ALKBH3: variants seen among roughly 807,000 people sequenced by gnomAD.
ALKBH3 encodes alkB homolog 3, alpha-ketoglutarate dependent dioxygenase, also known as alpha-ketoglutarate-dependent dioxygenase alkB homolog 3.
A neutral mutation model predicts 43.9 loss-of-function variants in ALKBH3; 51 were observed. The observed-to-expected ratio is 1.16, with a 90% CI of 0.93 to 1.47. The LOEUF (loss-of-function observed/expected upper bound fraction) is 1.47. ALKBH3 is among the 40% of genes most tolerant of loss of function. The pLI is 0.00. For missense variants in ALKBH3, 361 were observed against 351.9 expected, an observed-to-expected ratio of 1.03 and a Z score of -0.21; for synonymous variants, 102 against 115.2, an observed-to-expected ratio of 0.89 and a Z score of 0.73.
chr11:43,905,340 C>T (rs1951888545), intron 8 of ALKBH3, among the ~76,000 whole-genome samples: 1 of 152,112 alleles, frequency 6.6e-6, no homozygotes, highest in Non-Finnish European at 1.5e-5. Flanking sequence ...TTCGTAAGCA[C>T]CAGTGCCCTC....
intron 4 of ALKBH3, among the ~76,000 whole-genome samples, chr11:43,884,457 C>G (rs1257450032): frequency 1.3e-5 from 2 of 150,000 alleles, no homozygotes; most frequent in African/African-American, 4.9e-5. Flanking sequence ...TTATTAAAAC[C>G]ATGTAATTAT....
intron 3 of ALKBH3, 84 bp downstream of exon 3, chr11:43,883,272 T>C: frequency 1.1e-6 from 1 of 930,022 alleles, no homozygotes. Context: ...AAATAAATAA[T>C]GACTGAATAA....
At chr11:43,898,883 C>T in intron 7 of ALKBH3, 1 of 756,936 alleles carries the variant, frequency 1.3e-6, no homozygotes, top group Non-Finnish European at 2.5e-6. Context: ...TTTCAGATTT[C>T]CTGAGTGGAG....
chr11:43,904,322 A>G (rs966208437), intron 8 of ALKBH3, among the ~76,000 whole-genome samples: 4 of 152,202 alleles, frequency 2.6e-5, no homozygotes, highest in Non-Finnish European at 5.9e-5. Context: ...AAATATAAAC[A>G]TGTTGGTACT....
intron 8 of ALKBH3, chr11:43,916,774 TGCATCTTGCTTCAGTTGAAGG>T (rs1346160015): frequency 1.3e-5 from 2 of 152,212 alleles, no homozygotes; most frequent in Admixed American, 6.5e-5. Flanking sequence ...ACAGTCTCCA[TGCATCTTGCTTCAGTTGAAGG>T]GCATCTTGCT....
At chr11:43,907,577 T>C (rs1485150410) in intron 8 of ALKBH3, among the ~76,000 whole-genome samples, 4 of 152,212 alleles carry the variant, frequency 2.6e-5, no homozygotes, top group Admixed American at 1.3e-4. Context: ...TGCCATACTC[T>C]TAAGGACTAT....
chr11:43,898,120 G>C (rs1044491586), intron 7 of ALKBH3: 4 of 1,131,580 alleles, frequency 3.5e-6, no homozygotes, highest in Non-Finnish European at 5.4e-6. Context: ...ACCTGAGCCC[G>C]TGGTGGGCAT....
intron 8 of ALKBH3, among the ~76,000 whole-genome samples, chr11:43,904,165 G>T (rs1951880840): frequency 6.6e-6 from 1 of 152,202 alleles, no homozygotes; most frequent in Non-Finnish European, 1.5e-5. Flanking sequence ...ATACTCAGAA[G>T]TGGTAAAGTC....
chr11:43,912,847 C>T (rs1444601449), intron 8 of ALKBH3, among the ~76,000 whole-genome samples: 1 of 151,940 alleles, frequency 6.6e-6, no homozygotes, highest in Non-Finnish European at 1.5e-5. Flanking sequence ...GCTTCCCTTC[C>T]TTATCAGGAA....
At chr11:43,913,742 G>A (rs1442760268) in intron 8 of ALKBH3, among the ~76,000 whole-genome samples, 1 of 152,216 alleles carries the variant, frequency 6.6e-6, no homozygotes, top group Non-Finnish European at 1.5e-5. Context: ...GTCTGCTAAG[G>A]TGACTGACAA....
At chr11:43,884,998 C>T (rs1355230851) in intron 4 of ALKBH3, among the ~76,000 whole-genome samples, 1 of 152,082 alleles carries the variant, frequency 6.6e-6, no homozygotes, top group Non-Finnish European at 1.5e-5. Flanking sequence ...TGAAATGATC[C>T]TCCCACCTCA....
At chr11:43,881,432 G>A (rs1951710292) in intron 1 of ALKBH3, 1 of 152,260 alleles carries the variant, frequency 6.6e-6, no homozygotes, top group Admixed American at 6.5e-5. Context: ...GCTCCCCAGT[G>A]AATGGAGCAA....
Position 43,919,844 on chromosome 11 carries a change from T to A in ALKBH3, c.769-74T>A, listed in dbSNP as rs1284210441. The A allele has an allele frequency of 3.0e-6, 4 of 1,323,440 alleles. No individual in the cohort carries two copies. The South Asian group carries it at 4.8e-5, about 16-fold the overall frequency. 82.0% of individuals were successfully genotyped at this position (1,323,440 alleles called of 1,614,324 possible). On this transcript the variant is annotated intron_variant, in intron 9 of 9. Coordinates refer to ENST00000302708, the MANE Select transcript of ALKBH3 (RefSeq NM_139178.4). ...GGAAATATTTCTGCATTCTCATGAATAAGTTTTAAGTCGCTTTGAACTAAA... is the reference window on the plus strand; with the variant it reads ...GGAAATATTTCTGCATTCTCATGAAAAAGTTTTAAGTCGCTTTGAACTAAA...
rs35670176 is a variant in ALKBH3, at chr11:43,881,778, G to C, written c.-71+599G>C. On this transcript the variant is annotated intron_variant, in intron 1 of 9. Transcript: ENST00000302708. The stretch of plus-strand genomic sequence containing the variant: ...AACGAGCTTTTACCTTTGAGAACTT[G>C]AGGTGTGAAGCTTTCTTAGGTAGAA... Among the ~76,000 whole-genome samples the C allele has an allele frequency of 9.5e-3, 1,441 of 152,302 alleles. 19 individuals carry two copies. The highest frequency in any genetic ancestry group is 0.033 in the South Asian group (159 of 4,824).
At chr11:43,885,879 A>G (rs1470344757) in intron 4 of ALKBH3, among the ~76,000 whole-genome samples, 1 of 152,232 alleles carries the variant, frequency 6.6e-6, no homozygotes, top group Non-Finnish European at 1.5e-5. Context: ...TGCCTGGATT[A>G]AAGGTCAGGA....
chr11:43,919,215 A>G lies in ALKBH3; in HGVS notation c.768+79A>G, dbSNP rs376049188. On this transcript the variant is annotated intron_variant, in intron 9 of 9. Transcript: ENST00000302708. Reference sequence around the variant, plus strand: ...CTCTGAGGACTATTTCTAAGTAGACATGGTGAAAAGCAAGCTGCTTTTACA... The same window carrying G: ...CTCTGAGGACTATTTCTAAGTAGACGTGGTGAAAAGCAAGCTGCTTTTACA... 492 of 1,271,994 alleles carry G rather than the reference A, an allele frequency of 3.9e-4. 2 individuals are homozygous for G. The African/African-American group carries it at 6.5e-3, about 17-fold the overall frequency. 78.8% of individuals were successfully genotyped at this position (1,271,994 alleles called of 1,614,324 possible).
At chr11:43,890,552 T>C (rs1005738901) in intron 6 of ALKBH3, among the ~76,000 whole-genome samples, 1 of 152,176 alleles carries the variant, frequency 6.6e-6, no homozygotes, top group African/African-American at 2.4e-5. Context: ...AATTCATGTA[T>C]GCTCAAATCC....
intron 2 of ALKBH3, 88 bp from the exon 3 acceptor site, chr11:43,882,997 C>T (rs1278556447): frequency 1.9e-6 from 2 of 1,061,778 alleles, no homozygotes; most frequent in Non-Finnish European, 2.8e-6. Context: ...GAGATCATCT[C>T]CAAGTGGGCT....
chr11:43,905,057 G>A (rs1317375822), intron 8 of ALKBH3, among the ~76,000 whole-genome samples: 1 of 152,198 alleles, frequency 6.6e-6, no homozygotes, highest in African/African-American at 2.4e-5. Flanking sequence ...TCGCATCTCA[G>A]GCGGACATGG....
Sources: gnomAD v4.1 joint callset for allele counts (sites outside exome capture counted in the v4.1 genomes callset) on GRCh38, gnomAD v4.1.1 for gene constraint, MANE v1.5 for transcripts, NCBI Gene and HGNC (gene_info 2026-07-23, HGNC 2026-07-21) for gene names.